Variants in CSNK2A2 observed in about 807,000 individuals in gnomAD.
The protein encoded by CSNK2A2 is casein kinase 2 alpha 2.
A neutral mutation model predicts 54.0 loss-of-function variants in CSNK2A2; 8 were observed. That is an observed-to-expected ratio of 0.15 (90% CI 0.09 to 0.27). CSNK2A2 has a LOEUF of 0.27. Among genes scored for constraint, CSNK2A2 ranks in the 10% least tolerant of loss-of-function variants. CSNK2A2 has a pLI of 1.00. For synonymous variants in CSNK2A2, 141 were observed against 153.9 expected (o/e 0.92, Z 0.62); for missense variants, 242 against 439.4 (o/e 0.55, Z 4.02).
chr16:58,181,916 G>A (rs1962052832), intron 4 of CSNK2A2, among the ~76,000 whole-genome samples: 2 of 152,016 alleles, frequency 1.3e-5, no homozygotes, highest in South Asian at 2.1e-4. Context: ...AAACAAAACC[G>A]TCACATAAGA....
At chr16:58,182,570 A>C (rs1477042539) in intron 4 of CSNK2A2, among the ~76,000 whole-genome samples, 2 of 150,858 alleles carry the variant, frequency 1.3e-5, no homozygotes, top group Admixed American at 6.6e-5. Context: ...AAAAAAAAAA[A>C]AAACAAAACC....
At chr16:58,171,500 G>A (rs895007800) in intron 5 of CSNK2A2, among the ~76,000 whole-genome samples, 1 of 152,008 alleles carries the variant, frequency 6.6e-6, no homozygotes, top group African/African-American at 2.4e-5. Flanking sequence ...TCCAGCCTGG[G>A]CGACAGATAA....
At position 58,165,791 on chromosome 16, in the gene CSNK2A2, C is replaced by T. The variant is rs1597109165; in HGVS notation, c.828-83G>A. 23 of 1,433,320 alleles carry T rather than the reference C, an allele frequency of 1.6e-5. No homozygotes were observed. The East Asian group carries it at 5.1e-4, about 32-fold the overall frequency. The allele number at this position is 1,433,320 out of a possible 1,614,324, so 88.8% of individuals were successfully genotyped here. On this transcript the variant is annotated intron_variant, in intron 9 of 11. Transcript: ENST00000262506. ...CTACTAGGGCTAAAGCCAACAAAATCTCAGAATAATGTACTGATTACAAGC... is the reference window on the plus strand; with the variant it reads ...CTACTAGGGCTAAAGCCAACAAAATTTCAGAATAATGTACTGATTACAAGC...
At chr16:58,185,164 AC>A (rs1251832482) in intron 3 of CSNK2A2, among the ~76,000 whole-genome samples, 5 of 152,128 alleles carry the variant, frequency 3.3e-5, no homozygotes, top group South Asian at 2.1e-4. Context: ...AAAAAAAAAA[AC>A]ATCTAGAAAT....
intron 4 of CSNK2A2, among the ~76,000 whole-genome samples, chr16:58,180,582 T>C (rs1962010948): frequency 6.6e-6 from 1 of 152,154 alleles, no homozygotes. Context: ...ATCCATATAA[T>C]ACCTATCTTA....
intron 11 of CSNK2A2, chr16:58,161,570 C>CACAGACAG (rs143503077): frequency 6.7e-6 from 1 of 149,950 alleles, no homozygotes; most frequent in African/African-American, 2.5e-5. Flanking sequence ...CAGACACACA[C>CACAGACAG]ACAGACACAC....
chr16:58,165,586 T>C lies in CSNK2A2; in HGVS notation c.950A>G (p.Lys317Arg), dbSNP rs747830904. 14 of 1,613,702 alleles carry C rather than the reference T, an allele frequency of 8.7e-6. No homozygotes were observed. The highest frequency in any genetic ancestry group is 6.7e-5 in the East Asian group (3 of 44,884). ...GAAGTATGGGTGCTCCATGGCCTCT[T>C]TGGCAGTCAGTCTCTGTTGATGGTC... ...RYDHQQRLTA[K>R]EAMEHPYFYP... is the part of the protein sequence containing the mutation. The change falls in exon 10 of 12, where the codon AAA (lysine) becomes AGA (arginine). Residue 317 changes from lysine to arginine, a missense_variant. Around this residue, in one of 5 missense-constraint regions of CSNK2A2, gnomAD observed 81 missense variants for 135.0 expected, o/e 0.60. Transcript: ENST00000262506.
intron 11 of CSNK2A2, chr16:58,163,208 A>G (rs1961440144): frequency 6.7e-6 from 1 of 149,188 alleles, no homozygotes; most frequent in Non-Finnish European, 1.5e-5. Flanking sequence ...AGGCGCACAC[A>G]TAGGGATGTG....
intron 3 of CSNK2A2, 21 bp downstream of exon 3, chr16:58,186,734 C>A: frequency 6.3e-7 from 1 of 1,590,554 alleles, no homozygotes; most frequent in Non-Finnish European, 8.6e-7. Context: ...TAGTATACTC[C>A]CCCAACCATT....
At chr16:58,193,640 A>G (rs1367987719) in intron 2 of CSNK2A2, among the ~76,000 whole-genome samples, 4 of 152,256 alleles carry the variant, frequency 2.6e-5, no homozygotes, top group Non-Finnish European at 5.9e-5. Flanking sequence ...GGCAGTATTC[A>G]TAAAATGCTA....
In CSNK2A2 at chr16:58,197,582, C is replaced by G. The variant is rs751637921; in HGVS notation, c.104+51G>C. 4.5e-6 allele frequency: 6 copies of G among 1,319,400 alleles called. No individual in the cohort carries two copies. In the African/African-American group the frequency reaches 9.3e-5, roughly 20 times the overall value. 81.7% of individuals were successfully genotyped at this position (1,319,400 alleles called of 1,614,324 possible). ...CCGAGTGCGGTTCGCAGGGGGTGGCCGGGCGGGGGCAGGGATCAGCGGGCC... is the reference window on the plus strand; with the variant it reads ...CCGAGTGCGGTTCGCAGGGGGTGGCGGGGCGGGGGCAGGGATCAGCGGGCC... On this transcript the variant is annotated intron_variant, in intron 1 of 11. Coordinates refer to ENST00000262506, the MANE Select transcript of CSNK2A2 (RefSeq NM_001896.4). This position sits in a 1 kb window ranked among gnomAD's most constrained non-coding sequence, Gnocchi z 4.0.
chr16:58,192,141 G>C (rs568871923), intron 2 of CSNK2A2, among the ~76,000 whole-genome samples: 1 of 152,266 alleles, frequency 6.6e-6, no homozygotes, highest in South Asian at 2.1e-4. Flanking sequence ...TTTCATAGAT[G>C]AGAAAACAGT....
At chr16:58,160,838 A>T (rs1018365307) in intron 11 of CSNK2A2, 1 of 152,200 alleles carries the variant, frequency 6.6e-6, no homozygotes, top group Non-Finnish European at 1.5e-5. Flanking sequence ...TGTCTCCTCT[A>T]ATCTATCAGT....
intron 5 of CSNK2A2, among the ~76,000 whole-genome samples, chr16:58,173,372 A>C (rs1961791809): frequency 6.6e-6 from 1 of 152,144 alleles, no homozygotes; most frequent in Non-Finnish European, 1.5e-5. Flanking sequence ...ATCTACAACT[A>C]CCCTAAAACT....
chr16:58,188,690 G>C (rs1237823949), intron 2 of CSNK2A2, among the ~76,000 whole-genome samples: 1 of 152,184 alleles, frequency 6.6e-6, no homozygotes, highest in Non-Finnish European at 1.5e-5. Context: ...GGTTATGTAA[G>C]AAACTATTTT....
chr16:58,190,817 G>C (rs541856794), intron 2 of CSNK2A2, among the ~76,000 whole-genome samples: 6 of 152,322 alleles, frequency 3.9e-5, no homozygotes, highest in Admixed American at 1.3e-4. Context: ...AGCCACTATG[G>C]AAAGTTCCTC....
At chr16:58,191,672 T>G (rs563511587) in intron 2 of CSNK2A2, among the ~76,000 whole-genome samples, 2 of 146,688 alleles carry the variant, frequency 1.4e-5, no homozygotes, top group African/African-American at 5.1e-5. Flanking sequence ...CTATGTTACA[T>G]GTATTTTAAC....
chr16:58,187,376 A>T (rs1441747251), intron 2 of CSNK2A2, among the ~76,000 whole-genome samples: 1 of 152,056 alleles, frequency 6.6e-6, no homozygotes, highest in Non-Finnish European at 1.5e-5. Context: ...CCATTTCCTT[A>T]ATATCTAGAA....
At chr16:58,162,088 A>T (rs1478558888) in intron 11 of CSNK2A2, 3 of 152,130 alleles carry the variant, frequency 2.0e-5, no homozygotes, top group African/African-American at 7.2e-5. Flanking sequence ...ACTTAAAAAA[A>T]AAAAGGGAGG....
Sources: allele counts gnomAD v4.1 joint callset (sites outside exome capture counted in the v4.1 genomes callset), GRCh38; gene constraint gnomAD v4.1.1; regional missense constraint gnomAD v4.1.1; non-coding constraint Gnocchi (gnomAD v3.1); transcripts MANE v1.5; gene names NCBI Gene and HGNC (gene_info 2026-07-23, HGNC 2026-07-21).